TBC1D1: variants seen among roughly 807,000 people sequenced by gnomAD.
TBC1D1 encodes the protein TBC1 (tre-2/USP6, BUB2, cdc16) domain family, member 1.
Under a neutral mutation model 125.6 loss-of-function variants are expected in TBC1D1, and 89 were observed. The observed-to-expected ratio is 0.71, with a 90% CI of 0.60 to 0.85. The LOEUF is 0.85. Ranked by LOEUF, TBC1D1 falls within the 40% of genes least tolerant of loss-of-function variation. The pLI, the probability that TBC1D1 is intolerant of heterozygous loss-of-function variation, is 0.00. For missense variants in TBC1D1, 1,377 were observed against 1,469.2 expected (o/e 0.94, Z 1.03); for synonymous variants, 565 against 564.1 (o/e 1.00, Z -0.02).
chr4:38,093,526 C>A (rs926832917), intron 13 of TBC1D1, among the ~76,000 whole-genome samples: 3 of 149,596 alleles, frequency 2.0e-5, no homozygotes, highest in Admixed American at 6.6e-5. Context: ...TTTTCCCCCC[C>A]CTTTTTTTTT....
intron 6 of TBC1D1, among the ~76,000 whole-genome samples, chr4:38,024,847 G>A (rs892779687): frequency 1.3e-5 from 2 of 152,176 alleles, no homozygotes; most frequent in Non-Finnish European, 2.9e-5. Flanking sequence ...TAGTGATGTG[G>A]CCACACAAAG....
At chr4:37,896,068 C>A (rs1165355100) in intron 1 of TBC1D1, among the ~76,000 whole-genome samples, 1 of 152,210 alleles carries the variant, frequency 6.6e-6, no homozygotes, top group African/African-American at 2.4e-5. Context: ...AGAAATTAAA[C>A]CATTGATTCA....
chr4:38,110,815 C>T (rs1311379780), intron 15 of TBC1D1: 5 of 985,402 alleles, frequency 5.1e-6, no homozygotes, highest in East Asian at 1.1e-4. Context: ...TTTTACCCAG[C>T]TTCCCTCGAG....
intron 2 of TBC1D1, among the ~76,000 whole-genome samples, chr4:37,913,873 G>C (rs1280647485): frequency 1.3e-5 from 2 of 151,780 alleles, no homozygotes; most frequent in African/African-American, 2.4e-5. Context: ...GAGCCACCTA[G>C]AGCTTGTGAG....
At chr4:37,956,958 G>A (rs201947222) in intron 2 of TBC1D1, among the ~76,000 whole-genome samples, 10 of 145,044 alleles carry the variant, frequency 6.9e-5, no homozygotes, top group Non-Finnish European at 1.1e-4. Flanking sequence ...AAAAAAAAAA[G>A]AAGGGAGTGT....
intron 2 of TBC1D1, among the ~76,000 whole-genome samples, chr4:37,958,640 A>T (rs1229818010): frequency 1.3e-5 from 2 of 152,184 alleles, no homozygotes; most frequent in Admixed American, 1.3e-4. Context: ...TCCCTTCTTT[A>T]GGACACATAT....
rs71658757 is a variant in TBC1D1 at position 38,097,340 on chromosome 4, GT to G, written c.2398+1267del. Among the ~76,000 whole-genome samples the G allele has an allele frequency of 6.0e-3, 731 of 122,074 alleles. 4 individuals carry two copies. The highest frequency in any genetic ancestry group is 0.01 in the African/African-American group (332 of 32,292). 80.1% of individuals were successfully genotyped at this position (122,074 alleles called of 152,430 possible). A position where few individuals can be genotyped will look rare whatever the true frequency, so the allele number is the denominator to read the frequency against. On this transcript the variant is annotated intron_variant, in intron 14 of 19. Coordinates refer to ENST00000261439, the MANE Select transcript of TBC1D1 (RefSeq NM_015173.4). ...ACCATGCCTGGCTAATTTTTTGTGG[GT>G]TTTTTTTTTTTTTTTTAAGACAGAG...
In TBC1D1 at chr4:38,015,216, C is replaced by T. The variant is rs923245493; in HGVS notation, c.882+243C>T. Among the ~76,000 whole-genome samples, 3 of 152,120 alleles carry T rather than the reference C, an allele frequency of 2.0e-5. No homozygotes were observed. The East Asian group carries it at 5.8e-4, about 29-fold the overall frequency. On this transcript the variant is annotated intron_variant, in intron 3 of 19. Transcript: ENST00000261439. ...TCTCACCCGGTAATTATAAAGACACCTTTTCAGTGTGGAAAGAACAGTGAA... is the reference window on the plus strand; with the variant it reads ...TCTCACCCGGTAATTATAAAGACACTTTTTCAGTGTGGAAAGAACAGTGAA...
intron 8 of TBC1D1, among the ~76,000 whole-genome samples, chr4:38,036,616 A>G (rs1747267078): frequency 1.3e-5 from 2 of 152,076 alleles, no homozygotes; most frequent in Non-Finnish European, 2.9e-5. Context: ...CCCTAAACCA[A>G]GTGTGCAGTT....
chr4:38,093,306 A>G (rs1758737218), intron 13 of TBC1D1, among the ~76,000 whole-genome samples: 1 of 152,110 alleles, frequency 6.6e-6, no homozygotes, highest in African/African-American at 2.4e-5. Context: ...TGAATAGATG[A>G]ATCAAATATT....
chr4:38,110,465 T>A (rs769094638), intron 15 of TBC1D1: 1 of 985,354 alleles, frequency 1.0e-6, no homozygotes, highest in Non-Finnish European at 1.2e-6. Flanking sequence ...TGGAAGAACA[T>A]CCGTTAGATG....
rs1443937134 is a variant in TBC1D1 at position 37,891,298 on chromosome 4, G to C, written c.-144G>C. 6.6e-6 allele frequency: 1 copy of C among 152,362 alleles called. No homozygotes were observed. Among genetic ancestry groups the C allele is most frequent in the Non-Finnish European group, 1.5e-5 (1 of 68,228 alleles). 9.4% of individuals were successfully genotyped at this position (152,362 alleles called of 1,614,324 possible). ...CAGGCCGTCCCCAGGATGCCCCCAA[G>C]CACCTGCGCGTCCCGGCCCGGCCCC... On this transcript the variant is annotated 5_prime_UTR_variant, in exon 1 of 20. Coordinates refer to ENST00000261439, the MANE Select transcript of TBC1D1 (RefSeq NM_015173.4).
intron 8 of TBC1D1, among the ~76,000 whole-genome samples, chr4:38,040,204 CATGCATACAA>C (rs1160664798): frequency 6.6e-6 from 1 of 152,184 alleles, no homozygotes; most frequent in Non-Finnish European, 1.5e-5. Flanking sequence ...TTTAAAAACA[CATGCATACAA>C]ATGCACTTCT....
At chr4:37,954,591 A>G (rs1429297017) in intron 2 of TBC1D1, among the ~76,000 whole-genome samples, 1 of 152,172 alleles carries the variant, frequency 6.6e-6, no homozygotes, top group African/African-American at 2.4e-5. Flanking sequence ...CTTGGAAGTC[A>G]TGTCAAGAAT....
At chr4:37,956,943 GA>G (rs33943418) in intron 2 of TBC1D1, among the ~76,000 whole-genome samples, 84,008 of 140,156 alleles carry the variant, frequency 0.6, 24,585 homozygotes, top group East Asian at 0.73. Flanking sequence ...CGTCTCAAAA[GA>G]AAAAAAAAAA....
At chr4:38,108,254 T>TCTG (rs2152564925) in intron 15 of TBC1D1, among the ~76,000 whole-genome samples, 1 of 152,250 alleles carries the variant, frequency 6.6e-6, no homozygotes, top group South Asian at 2.1e-4. Context: ...CTTCACATCA[T>TCTG]CTGCTCCCTC....
At chr4:38,081,072 C>T (rs1019382141) in intron 12 of TBC1D1, among the ~76,000 whole-genome samples, 1 of 152,112 alleles carries the variant, frequency 6.6e-6, no homozygotes, top group Non-Finnish European at 1.5e-5. Flanking sequence ...GCGTGGCTCC[C>T]GGGGCCTGCT....
At chr4:37,922,532 G>A (rs1369300474) in intron 2 of TBC1D1, among the ~76,000 whole-genome samples, 3 of 152,192 alleles carry the variant, frequency 2.0e-5, no homozygotes, top group African/African-American at 7.2e-5. Flanking sequence ...GTTACTGGTA[G>A]GCAGTAAGCC....
intron 6 of TBC1D1, among the ~76,000 whole-genome samples, chr4:38,025,341 T>A (rs528965453): frequency 6.6e-6 from 1 of 152,234 alleles, no homozygotes; most frequent in African/African-American, 2.4e-5. Flanking sequence ...GGAGATGCGT[T>A]CAGTGGGGAA....
Sources: gnomAD v4.1 joint callset for allele counts (sites outside exome capture counted in the v4.1 genomes callset) on GRCh38, gnomAD v4.1.1 for gene constraint, MANE v1.5 for transcripts, NCBI Gene and HGNC (gene_info 2026-07-23, HGNC 2026-07-21) for gene names.